The following SCUBE1 variants were observed in gnomAD, a reference collection of about 807,000 sequenced individuals.
SCUBE1 encodes signal peptide, CUB and EGF-like domain-containing protein 1.
SCUBE1 carries 59 observed loss-of-function variants against 124.4 expected under a neutral mutation model. The observed-to-expected ratio is 0.47, with a 90% CI of 0.38 to 0.59. The LOEUF is 0.59. Ranked by LOEUF, SCUBE1 falls within the 20% of genes least tolerant of loss-of-function variation. The pLI, the probability that SCUBE1 is intolerant of heterozygous loss-of-function variation, is 0.00. For synonymous variants in SCUBE1, 545 were observed against 550.9 expected (o/e 0.99, Z 0.15); for missense variants, 1,150 against 1,371.2 (o/e 0.84, Z 2.55).
chr22:43,245,743 TA>T (rs762574943), intron 6 of SCUBE1, among the ~76,000 whole-genome samples: 5 of 152,118 alleles, frequency 3.3e-5, no homozygotes, highest in Non-Finnish European at 7.4e-5. Flanking sequence ...CCTGCTGAAA[TA>T]AAAGGCCCAC....
rs1167788238 is a variant in SCUBE1 at position 43,198,641 on chromosome 22, G to GA, written c.*5355dup. On this transcript the variant is annotated 3_prime_UTR_variant, in exon 22 of 22. Coordinates refer to ENST00000360835, the MANE Select transcript of SCUBE1 (RefSeq NM_173050.5). ...CATGGACACCTTGTGCATCTTTGGT[G>GA]AAAAGGGACCTCAATGTCAGGTGCA... 6 of 456,628 alleles carry GA rather than the reference G, an allele frequency of 1.3e-5. No individual in the cohort carries two copies. Among genetic ancestry groups the GA allele is most frequent in the Non-Finnish European group, 2.2e-5 (5 of 226,998 alleles). The allele number at this position is 456,628 out of a possible 1,614,324, so 28.3% of individuals were successfully genotyped here.
At chr22:43,301,929 G>A (rs1388196294) in intron 3 of SCUBE1, among the ~76,000 whole-genome samples, 3 of 152,240 alleles carry the variant, frequency 2.0e-5, no homozygotes, top group Non-Finnish European at 2.9e-5. Flanking sequence ...GGCCTTCGCT[G>A]CCGTATGCTG....
intron 2 of SCUBE1, among the ~76,000 whole-genome samples, chr22:43,322,916 C>T (rs1926605256): frequency 6.6e-6 from 1 of 152,188 alleles, no homozygotes. Flanking sequence ...CTCACAGCAA[C>T]ATTTGGAAGT....
At chr22:43,327,648 A>G (rs1204780444) in intron 2 of SCUBE1, among the ~76,000 whole-genome samples, 1 of 152,050 alleles carries the variant, frequency 6.6e-6, no homozygotes, top group East Asian at 1.9e-4. Flanking sequence ...TTAGCCAGGC[A>G]TGGTGGTGCA....
chr22:43,226,844 G>A (rs1922338271), intron 10 of SCUBE1, among the ~76,000 whole-genome samples: 1 of 152,104 alleles, frequency 6.6e-6, no homozygotes, highest in African/African-American at 2.4e-5. Flanking sequence ...CAGCCTAGGG[G>A]CACCCAGTGC....
intron 2 of SCUBE1, among the ~76,000 whole-genome samples, chr22:43,333,148 C>CA (rs1442246315): frequency 6.6e-6 from 1 of 152,192 alleles, no homozygotes; most frequent in African/African-American, 2.4e-5. Context: ...AGCTGTCACT[C>CA]ACGGGGACTG....
In SCUBE1 at chr22:43,290,982, AG is replaced by A. The variant is rs1175854694; in HGVS notation, c.484+63del. On this transcript the variant is annotated intron_variant, in intron 4 of 21. Transcript: ENST00000360835. ...GGGCCCCAGAATTGAGATGTGGAGA[AG>A]GGGACTCTGGGGGCTGCCCATCCTG... is the stretch of plus-strand genomic sequence containing the variant. The A allele has an allele frequency of 2.7e-6, 4 of 1,485,636 alleles. No homozygotes were observed. The African/African-American group carries it at 5.6e-5, about 21-fold the overall frequency. 92.0% of individuals were successfully genotyped at this position (1,485,636 alleles called of 1,614,324 possible). A position where few individuals can be genotyped will look rare whatever the true frequency, so the allele number is the denominator to read the frequency against.
intron 3 of SCUBE1, among the ~76,000 whole-genome samples, chr22:43,302,915 A>G (rs1925827145): frequency 1.3e-5 from 2 of 152,248 alleles, no homozygotes; most frequent in South Asian, 4.2e-4. Flanking sequence ...GCATGTGATT[A>G]CCTCCAGGCC....
chr22:43,255,354 C>T lies in SCUBE1; in HGVS notation c.727+2865G>A. Reference sequence around the variant, plus strand: ...ACACCCCACAACACAGACATATGCCCCCACACGCACACGTCACACCCACAC... The same window carrying T: ...ACACCCCACAACACAGACATATGCCTCCACACGCACACGTCACACCCACAC... On this transcript the variant is annotated intron_variant, in intron 6 of 21. Transcript: ENST00000360835. This position sits in a 1 kb window ranked among gnomAD's most constrained non-coding sequence, Gnocchi z 4.7. The T allele has an allele frequency of 1.3e-6, 1 of 773,976 alleles. No homozygotes were observed. The highest frequency in any genetic ancestry group is 2.2e-6 in the Non-Finnish European group (1 of 457,370). 47.9% of individuals were successfully genotyped at this position (773,976 alleles called of 1,614,324 possible).
intron 15 of SCUBE1, among the ~76,000 whole-genome samples, chr22:43,217,393 G>T (rs1921877546): frequency 1.3e-5 from 2 of 151,054 alleles, no homozygotes; most frequent in African/African-American, 4.9e-5. Flanking sequence ...TGGGGATTTG[G>T]CCGGCGTCAG....
At chr22:43,238,703 G>A (rs757100146) in intron 7 of SCUBE1, 135 bp downstream of exon 7, 1 of 781,338 alleles carries the variant, frequency 1.3e-6, no homozygotes, top group South Asian at 1.4e-5. Context: ...CAAAGCAAAT[G>A]ATTGCCACGT....
At chr22:43,204,274 C>G in intron 21 of SCUBE1, 125 bp from the exon 22 acceptor site, 1 of 756,738 alleles carries the variant, frequency 1.3e-6, no homozygotes, top group Non-Finnish European at 2.2e-6. Flanking sequence ...CACAGACCTT[C>G]TTTTGGTTTT....
chr22:43,223,150 C>G lies in SCUBE1; in HGVS notation c.1274G>C (p.Gly425Ala). The G allele has an allele frequency of 6.4e-7, 1 of 1,563,474 alleles. No homozygotes were observed. Among genetic ancestry groups the G allele is most frequent in the Non-Finnish European group, 8.6e-7 (1 of 1,164,204 alleles). The change falls in exon 11 of 22, where the codon GGC becomes GCC. Residue 425 changes from glycine (G) to alanine (A), a missense_variant. This residue lies in a region of SCUBE1 where 757 missense variants were observed against 840.9 expected (regional missense o/e 0.90). Coordinates refer to ENST00000360835, the MANE Select transcript of SCUBE1 (RefSeq NM_173050.5). ...PRAQLSCSKA[G>A]GVESCFLSCP... ...GGAAAGGAAGCAGCTCTCCACACCGCCTGCCTTGCTGCAGGACAGCTGGGC... is the reference window on the plus strand; with the variant it reads ...GGAAAGGAAGCAGCTCTCCACACCGGCTGCCTTGCTGCAGGACAGCTGGGC...
chr22:43,259,028 G>T (rs967364643), intron 5 of SCUBE1, among the ~76,000 whole-genome samples: 2 of 152,230 alleles, frequency 1.3e-5, no homozygotes, highest in African/African-American at 4.8e-5. Context: ...GGAGGATCTG[G>T]TGCCTTTCAG....
At chr22:43,269,884 G>A (rs1025300789) in intron 4 of SCUBE1, among the ~76,000 whole-genome samples, 4 of 152,190 alleles carry the variant, frequency 2.6e-5, no homozygotes, top group African/African-American at 4.8e-5. Context: ...CTGTAGGGTC[G>A]GGGCTGGTGG....
chr22:43,208,903 C>T (rs1464199798), intron 19 of SCUBE1, among the ~76,000 whole-genome samples: 1 of 152,176 alleles, frequency 6.6e-6, no homozygotes, highest in Non-Finnish European at 1.5e-5. Flanking sequence ...CTTGGCAAGG[C>T]CTCACGGCTC....
chr22:43,325,155 C>T (rs2146790056), intron 2 of SCUBE1, among the ~76,000 whole-genome samples: 1 of 152,002 alleles, frequency 6.6e-6, no homozygotes, highest in South Asian at 2.1e-4. Flanking sequence ...ACAGAAGAGG[C>T]TGAGGCTCAG....
intron 3 of SCUBE1, among the ~76,000 whole-genome samples, chr22:43,311,453 C>T (rs140211387): frequency 0.024 from 3,599 of 147,998 alleles, 83 homozygotes; most frequent in Non-Finnish European, 0.032. Flanking sequence ...CAGAGTCTCA[C>T]TCTGTCGCCC....
chr22:43,240,304 G>T (rs1922952864), intron 6 of SCUBE1, among the ~76,000 whole-genome samples: 1 of 152,194 alleles, frequency 6.6e-6, no homozygotes, highest in Non-Finnish European at 1.5e-5. Flanking sequence ...GGGCATGGGT[G>T]GTTTTTATGA....
Sources: gnomAD v4.1 joint callset for allele counts (sites outside exome capture counted in the v4.1 genomes callset) on GRCh38, gnomAD v4.1.1 for gene constraint, gnomAD v4.1.1 regional missense constraint, Gnocchi (gnomAD v3.1) non-coding constraint, MANE v1.5 for transcripts, NCBI Gene and HGNC (gene_info 2026-07-23, HGNC 2026-07-21) for gene names.